Variants in DAB2 observed in about 807,000 individuals in gnomAD.
DAB2 encodes the protein DAB adaptor protein 2.
Under a neutral mutation model 71.6 loss-of-function variants are expected in DAB2, and 28 were observed. The ratio of observed to expected loss-of-function variants is 0.39; its 90% confidence interval spans 0.29 to 0.54. DAB2 has a LOEUF of 0.54. Ranked by LOEUF, DAB2 falls within the 20% of genes least tolerant of loss-of-function variation. The pLI, the probability that DAB2 is intolerant of heterozygous loss-of-function variation, is 0.68. For missense variants in DAB2, 867 were observed against 928.8 expected, an observed-to-expected ratio of 0.93 and a Z score of 0.86; for synonymous variants, 345 against 339.7, an observed-to-expected ratio of 1.02 and a Z score of -0.17.
At chr5:39,387,517 G>T (rs1755122629) in intron 9 of DAB2, among the ~76,000 whole-genome samples, 1 of 152,116 alleles carries the variant, frequency 6.6e-6, no homozygotes, top group Non-Finnish European at 1.5e-5. Flanking sequence ...TTGATGTTGT[G>T]CATCTTACTG....
intron 1 of DAB2, chr5:39,423,611 A>G (rs1170985929): frequency 6.6e-6 from 1 of 152,224 alleles, no homozygotes; most frequent in East Asian, 1.9e-4. Context: ...CATCAAAGCC[A>G]TTCCAAGAGG....
chr5:39,416,627 C>G (rs1008483107), intron 1 of DAB2, among the ~76,000 whole-genome samples: 10 of 152,112 alleles, frequency 6.6e-5, no homozygotes, highest in Admixed American at 5.9e-4. Context: ...ACTGCCTTCA[C>G]CTTCTTGAAT....
At chr5:39,398,065 G>A (rs1755409036) in intron 1 of DAB2, among the ~76,000 whole-genome samples, 1 of 152,176 alleles carries the variant, frequency 6.6e-6, no homozygotes, top group African/African-American at 2.4e-5. Flanking sequence ...TTAAGAGTCT[G>A]TTGCCCATCT....
chr5:39,378,057 T>C (rs1754873582), intron 11 of DAB2, among the ~76,000 whole-genome samples: 2 of 152,212 alleles, frequency 1.3e-5, no homozygotes, highest in South Asian at 4.1e-4. Context: ...GAACAGAGAA[T>C]TTAAAAGAGG....
intron 1 of DAB2, among the ~76,000 whole-genome samples, chr5:39,404,293 T>C (rs759203624): frequency 2.1e-3 from 312 of 150,138 alleles, no homozygotes; most frequent in Non-Finnish European, 3.1e-3. Context: ...TACCTAATGT[T>C]AAATGACGAG....
chr5:39,390,661 G>A, intron 4 of DAB2, 86 bp from the exon 5 acceptor site: 1 of 954,222 alleles, frequency 1.0e-6, no homozygotes, highest in Non-Finnish European at 1.6e-6. Context: ...ACACATATAT[G>A]AAGGCATATA....
At position 39,388,854 on chromosome 5, in the gene DAB2, T is replaced by G; in HGVS notation, c.571-2A>C. On this transcript the variant is annotated splice_acceptor_variant, in intron 7 of 14. Transcript: ENST00000320816. LOFTEE classifies it high-confidence loss of function. ...AATCATTAGGGCCTCACTCCCATTC[T>G]GAAAAGATAGCAAATATTTAAGGAT... 1 of 1,611,416 alleles carries G rather than the reference T, an allele frequency of 6.2e-7. No homozygotes were observed. The highest frequency in any genetic ancestry group is 8.5e-7 in the Non-Finnish European group (1 of 1,177,600).
intron 1 of DAB2, among the ~76,000 whole-genome samples, chr5:39,424,133 C>T (rs2112123162): frequency 6.6e-6 from 1 of 152,156 alleles, no homozygotes; most frequent in South Asian, 2.1e-4. Context: ...ACGGTTTTAA[C>T]CCATTCATTT....
chr5:39,375,892 AT>A (rs1754816539), intron 13 of DAB2, 104 bp downstream of exon 13: 21 of 857,814 alleles, frequency 2.4e-5, no homozygotes, highest in African/African-American at 1.0e-4. Flanking sequence ...TCTTAAAAAA[AT>A]AAATAAATAA....
Position 39,422,119 on chromosome 5 carries a change from TTTTGGCCAACC to T in DAB2, c.-102+2674_-102+2684del, listed in dbSNP as rs569977129. 8.2e-4 allele frequency among the ~76,000 whole-genome samples: 125 copies of T among 152,232 alleles called. No individual in the cohort carries two copies. The highest frequency in any genetic ancestry group is 1.7e-3 in the South Asian group (8 of 4,810). ...AAAAATCTGTTTCACCTAAATATGA[TTTTGGCCAACC>T]TTTGTGCAATTCAGCGGCACAGCTT... On this transcript the variant is annotated intron_variant, in intron 1 of 14. Transcript: ENST00000320816. This position sits in a 1 kb window ranked among gnomAD's most constrained non-coding sequence, Gnocchi z 4.1.
chr5:39,388,895 C>A, intron 7 of DAB2, 43 bp from the exon 8 acceptor site: 1 of 1,543,132 alleles, frequency 6.5e-7, no homozygotes, highest in South Asian at 1.1e-5. Flanking sequence ...TGAGCTTTGT[C>A]TATAAAATGT....
At chr5:39,414,714 AG>A (rs72235087) in intron 1 of DAB2, among the ~76,000 whole-genome samples, 19,471 of 139,544 alleles carry the variant, frequency 0.14, 1,343 homozygotes, top group African/African-American at 0.19. Flanking sequence ...AGTTAAAAAA[AG>A]GGGGGGGGGT....
intron 1 of DAB2, among the ~76,000 whole-genome samples, chr5:39,411,021 G>T (rs1429239593): frequency 6.6e-6 from 1 of 152,140 alleles, no homozygotes; most frequent in Non-Finnish European, 1.5e-5. Flanking sequence ...AGAGTAAGCA[G>T]ATGGGATAAG....
In DAB2 at chr5:39,386,561, T is replaced by C. The variant is rs558356580; in HGVS notation, c.687+1744A>G. On this transcript the variant is annotated intron_variant, in intron 9 of 14. Transcript: ENST00000320816. ...TATATTTTGATGGTATTTATTACTT[T>C]ATTGTTAGTTTAACTAAAACTTGAA... is the stretch of plus-strand genomic sequence containing the variant. Among the ~76,000 whole-genome samples, 13 of 152,350 alleles carry C rather than the reference T, an allele frequency of 8.5e-5. No individual in the cohort carries two copies. In the South Asian group the frequency reaches 2.7e-3, roughly 32 times the overall value.
At chr5:39,413,260 A>C (rs1755772686) in intron 1 of DAB2, among the ~76,000 whole-genome samples, 1 of 152,154 alleles carries the variant, frequency 6.6e-6, no homozygotes, top group Non-Finnish European at 1.5e-5. Flanking sequence ...CTTTTAATTG[A>C]AAGGTTAAGG....
intron 9 of DAB2, among the ~76,000 whole-genome samples, chr5:39,387,021 A>G (rs1755112055): frequency 6.6e-6 from 1 of 152,174 alleles, no homozygotes; most frequent in African/African-American, 2.4e-5. Context: ...CACTGCTAAA[A>G]TGAATATTAA....
intron 2 of DAB2, among the ~76,000 whole-genome samples, chr5:39,393,772 C>T (rs1416773184): frequency 6.6e-6 from 1 of 151,662 alleles, no homozygotes. Flanking sequence ...AGCAATTTAC[C>T]AACATTTTAA....
At chr5:39,391,738 A>G (rs1331668459) in intron 4 of DAB2, among the ~76,000 whole-genome samples, 1 of 152,172 alleles carries the variant, frequency 6.6e-6, no homozygotes, top group African/African-American at 2.4e-5. Flanking sequence ...GCTTAAAAAC[A>G]AGGCAAAATA....
At position 39,394,205 on chromosome 5, in the gene DAB2, T is replaced by TG. The variant is rs1439043763; in HGVS notation, c.91+24dup. 4 of 1,592,214 alleles carry TG rather than the reference T, an allele frequency of 2.5e-6. No homozygotes were observed. The East Asian group carries it at 8.9e-5, about 36-fold the overall frequency. On this transcript the variant is annotated intron_variant, in intron 2 of 14. Transcript: ENST00000320816. ...GGTAACCATCTCTAGCTCCCTTCCT[T>TG]GGCTTCAAGTGGATTTCTCCATACC...
Sources: gnomAD v4.1 joint callset for allele counts (sites outside exome capture counted in the v4.1 genomes callset) on GRCh38, gnomAD v4.1.1 for gene constraint, Gnocchi (gnomAD v3.1) non-coding constraint, MANE v1.5 for transcripts, NCBI Gene and HGNC (gene_info 2026-07-23, HGNC 2026-07-21) for gene names.